SCMH1: variants seen among roughly 807,000 people sequenced by gnomAD.
SCMH1 encodes the protein polycomb protein SCMH1.
In SCMH1, 37 loss-of-function variants were observed where a neutral mutation model predicts 70.8. The ratio of observed to expected loss-of-function variants is 0.52; its 90% CI spans 0.40 to 0.69. The LOEUF is 0.69. SCMH1 is among the 30% of genes least tolerant of loss of function. The probability of loss-of-function intolerance (pLI) is 0.00; values close to 1 mark genes in which losing one functional copy is unlikely to be tolerated. For synonymous variants in SCMH1, 292 were observed against 307.4 expected (o/e 0.95, Z 0.52); for missense variants, 607 against 827.3 (o/e 0.73, Z 3.27).
intron 10 of SCMH1, among the ~76,000 whole-genome samples, chr1:41,064,092 T>G (rs1418052281): frequency 6.6e-6 from 1 of 152,130 alleles, no homozygotes; most frequent in African/African-American, 2.4e-5. Flanking sequence ...GACTCAACAT[T>G]CAAAAATCAA....
chr1:41,186,087 T>C (rs1298559998), intron 2 of SCMH1, 34 bp downstream of exon 2: 1 of 1,546,684 alleles, frequency 6.5e-7, no homozygotes, highest in South Asian at 1.2e-5. Context: ...TCTTAATCCC[T>C]CTTACCTCCA....
chr1:41,042,421 G>A (rs1225623977), intron 12 of SCMH1, among the ~76,000 whole-genome samples: 1 of 151,952 alleles, frequency 6.6e-6, no homozygotes, highest in African/African-American at 2.4e-5. Flanking sequence ...GCTAATTTTT[G>A]TATTATTAGT....
chr1:41,214,586 T>C (rs1405880172), intron 1 of SCMH1, among the ~76,000 whole-genome samples: 2 of 152,164 alleles, frequency 1.3e-5, no homozygotes, highest in Admixed American at 6.5e-5. Flanking sequence ...ATCCTCACAA[T>C]AAATATGCAA....
intron 13 of SCMH1, among the ~76,000 whole-genome samples, chr1:41,036,661 A>G (rs1242924580): frequency 6.6e-6 from 1 of 152,178 alleles, no homozygotes; most frequent in Non-Finnish European, 1.5e-5. Flanking sequence ...ACGCCCATTT[A>G]AGGTCTTCTA....
chr1:41,228,183 G>C (rs1468009829), intron 1 of SCMH1, among the ~76,000 whole-genome samples: 1 of 152,152 alleles, frequency 6.6e-6, no homozygotes, highest in Non-Finnish European at 1.5e-5. Flanking sequence ...TTTGTAATTA[G>C]CCGTCTCTCA....
At chr1:41,114,401 CAT>C (rs1669945929) in intron 7 of SCMH1, among the ~76,000 whole-genome samples, 1 of 152,162 alleles carries the variant, frequency 6.6e-6, no homozygotes, top group Admixed American at 6.5e-5. Context: ...GTACCAATAA[CAT>C]AGTCTTATTA....
In SCMH1 at chr1:41,089,511, T is replaced by A. The variant is rs563026060; in HGVS notation, c.746-14060A>T. On this transcript the variant is annotated intron_variant, in intron 8 of 14. Coordinates refer to ENST00000337495, the Ensembl canonical transcript of SCMH1. ...ACTTCTTTGGCCTAAGCCACCATCATCTCTAACCTGGGTTTTTACAATAAG... is the reference window on the plus strand; with the variant it reads ...ACTTCTTTGGCCTAAGCCACCATCAACTCTAACCTGGGTTTTTACAATAAG... Among the ~76,000 whole-genome samples the A allele has an allele frequency of 5.3e-5, 8 of 152,340 alleles. No individual in the cohort carries two copies. In the East Asian group the frequency reaches 1.3e-3, roughly 26 times the overall value.
rs555239816 is a variant in SCMH1 at position 41,188,589 on chromosome 1, T to C, written c.-117-2339A>G. Among the ~76,000 whole-genome samples, 4 of 152,338 alleles carry C rather than the reference T, an allele frequency of 2.6e-5. No individual in the cohort carries two copies. In the East Asian group the frequency reaches 7.7e-4, roughly 29 times the overall value. ...CATTGCATAGTGCAGATCTGGAGAA[T>C]GTAATGACTCCGTATTTCTGGAAGT... On this transcript the variant is annotated intron_variant, in intron 1 of 14. Transcript: ENST00000337495.
chr1:41,057,862 C>T (rs919690557), intron 10 of SCMH1, among the ~76,000 whole-genome samples: 4 of 152,024 alleles, frequency 2.6e-5, no homozygotes, highest in African/African-American at 9.7e-5. Flanking sequence ...TACAGTGGCT[C>T]ACACCTAGCA....
chr1:41,091,234 C>T lies in SCMH1; in HGVS notation c.746-15783G>A, dbSNP rs542229148. ...TGGGATGCAAGGCTGGTTCAACATA[C>T]GCAAATCAACAAACGTAATCCATCA... On this transcript the variant is annotated intron_variant, in intron 8 of 14. Transcript: ENST00000337495. Among the ~76,000 whole-genome samples the T allele has an allele frequency of 7.1e-4, 108 of 152,182 alleles. 1 individual carries two copies. The South Asian group carries it at 0.02, about 28-fold the overall frequency.
chr1:41,131,872 C>A (rs894591461), intron 6 of SCMH1, among the ~76,000 whole-genome samples: 14 of 152,224 alleles, frequency 9.2e-5, no homozygotes, highest in Non-Finnish European at 2.1e-4. Context: ...CTACAAAGGA[C>A]ATGAACTCAT....
At chr1:41,033,373 C>T (rs769359685) in intron 13 of SCMH1, among the ~76,000 whole-genome samples, 4 of 151,970 alleles carry the variant, frequency 2.6e-5, no homozygotes, top group Non-Finnish European at 5.9e-5. Context: ...AAAAAGGTGA[C>T]CTGATATATC....
intron 1 of SCMH1, among the ~76,000 whole-genome samples, chr1:41,233,028 T>A (rs370045505): frequency 2.6e-5 from 4 of 152,224 alleles, no homozygotes; most frequent in East Asian, 1.9e-4. Flanking sequence ...GACAAACAAG[T>A]CCCTTCTTTA....
intron 1 of SCMH1, among the ~76,000 whole-genome samples, chr1:41,227,540 G>T (rs1425935026): frequency 6.6e-6 from 1 of 152,190 alleles, no homozygotes; most frequent in Non-Finnish European, 1.5e-5. Context: ...GAAGTGCATG[G>T]AGTATTACAG....
rs376741792 is a variant in SCMH1, at chr1:41,129,581, C to G, written c.413-12571G>C. Among the ~76,000 whole-genome samples, 12 of 152,112 alleles carry G rather than the reference C, an allele frequency of 7.9e-5. 1 individual carries two copies. In the East Asian group the frequency reaches 1.5e-3, roughly 20 times the overall value. On this transcript the variant is annotated intron_variant, in intron 6 of 14. Transcript: ENST00000337495. ...TTCCCATTGCATCTCTCTCTCTTCC[C>G]CAGCCCCGCTCTCTTTCTGTGTGTG...
chr1:41,125,339 C>CAGGTAGTG (rs1288980292), intron 6 of SCMH1, among the ~76,000 whole-genome samples: 7 of 152,044 alleles, frequency 4.6e-5, no homozygotes, highest in African/African-American at 1.5e-4. Flanking sequence ...TTTCAGCCTC[C>CAGGTAGTG]TGAGTAGCCG....
At chr1:41,041,596 C>T (rs907387382) in intron 12 of SCMH1, 1 of 152,198 alleles carries the variant, frequency 6.6e-6, no homozygotes, top group African/African-American at 2.4e-5. Flanking sequence ...AGACAGTGTG[C>T]TTCAGTGAAT....
intron 4 of SCMH1, among the ~76,000 whole-genome samples, chr1:41,156,541 C>A (rs117332694): frequency 6.6e-6 from 1 of 152,094 alleles, no homozygotes; most frequent in Non-Finnish European, 1.5e-5. Flanking sequence ...CGGGCTCAAG[C>A]GATCCTCTCA....
chr1:41,187,053 T>C (rs1269446044), intron 1 of SCMH1, among the ~76,000 whole-genome samples: 3 of 152,108 alleles, frequency 2.0e-5, no homozygotes, highest in Admixed American at 2.0e-4. Context: ...GGGAGTAAAG[T>C]AGAACAAAAA....
Sources: allele counts gnomAD v4.1 joint callset (sites outside exome capture counted in the v4.1 genomes callset), GRCh38; gene constraint gnomAD v4.1.1; transcripts MANE v1.5; gene names NCBI Gene and HGNC (gene_info 2026-07-23, HGNC 2026-07-21).